Variants in ITPK1 observed in about 807,000 individuals in gnomAD.
ITPK1 encodes inositol 1,3,4-trisphosphate 5/6-kinase.
In ITPK1, 21 loss-of-function variants were observed where a neutral mutation model predicts 45.3. That is an observed-to-expected ratio of 0.46 (90% CI 0.33 to 0.67). The LOEUF (loss-of-function observed/expected upper bound fraction) is 0.67, where lower values mean the gene tolerates loss of function less well. Ranked by LOEUF, ITPK1 falls within the 30% of genes least tolerant of loss-of-function variation. The pLI, the probability that ITPK1 is intolerant of heterozygous loss-of-function variation, is 0.02. For synonymous variants in ITPK1, 258 were observed against 253.6 expected, an observed-to-expected ratio of 1.02 and a Z score of -0.16; for missense variants, 474 against 573.5, an observed-to-expected ratio of 0.83 and a Z score of 1.77.
chr14:93,092,812 G>A (rs938110367), intron 2 of ITPK1, among the ~76,000 whole-genome samples: 3 of 152,090 alleles, frequency 2.0e-5, no homozygotes, highest in East Asian at 3.9e-4. Flanking sequence ...CACTGCATTC[G>A]ACTCAGCCTC....
rs1887319430 is a variant in ITPK1 at position 92,940,674 on chromosome 14, C to T, written c.*887G>A. 3.1e-6 allele frequency: 4 copies of T among 1,274,226 alleles called. No individual in the cohort carries two copies. The highest frequency in any genetic ancestry group is 1.0e-6 in the Non-Finnish European group (1 of 981,756). The allele number at this position is 1,274,226 out of a possible 1,614,324, so 78.9% of individuals were successfully genotyped here. ...GCATCCCAGGGGTTAGGGCACAAAG[C>T]CAGCCCTGTGGTGCTCTCTGATCTC... On this transcript the variant is annotated 3_prime_UTR_variant, in exon 11 of 11. Transcript: ENST00000267615.
intron 3 of ITPK1, among the ~76,000 whole-genome samples, chr14:93,056,819 A>C (rs759525921): frequency 6.6e-6 from 1 of 152,206 alleles, no homozygotes; most frequent in East Asian, 1.9e-4. Context: ...ATTTGTGGGG[A>C]ATTTATGAGA....
At chr14:93,000,062 G>A (rs143039533) in intron 4 of ITPK1, among the ~76,000 whole-genome samples, 10 of 152,318 alleles carry the variant, frequency 6.6e-5, no homozygotes, top group Admixed American at 1.3e-4. Flanking sequence ...CATCCATGTT[G>A]CAGCGTGCGG....
At chr14:93,101,019 T>C (rs561518152) in intron 2 of ITPK1, among the ~76,000 whole-genome samples, 2 of 152,096 alleles carry the variant, frequency 1.3e-5, no homozygotes, top group East Asian at 3.9e-4. Flanking sequence ...GCATCCCAAA[T>C]CCAAAGAATT....
At chr14:93,069,438 G>A (rs1890896499) in intron 3 of ITPK1, 1 of 154,452 alleles carries the variant, frequency 6.5e-6, no homozygotes, top group Non-Finnish European at 1.5e-5. Flanking sequence ...TGCTGTGTGT[G>A]GCCCTGGCCA....
chr14:92,966,982 C>T (rs531550731), intron 5 of ITPK1, among the ~76,000 whole-genome samples: 18 of 152,298 alleles, frequency 1.2e-4, no homozygotes, highest in African/African-American at 4.1e-4. Flanking sequence ...GCTAGAACTA[C>T]AAAACTTTAA....
At chr14:93,030,833 T>G (rs1176653215) in intron 3 of ITPK1, among the ~76,000 whole-genome samples, 1 of 152,176 alleles carries the variant, frequency 6.6e-6, no homozygotes, top group African/African-American at 2.4e-5. Flanking sequence ...CCAGAGCAGG[T>G]AGGTCCCTAG....
chr14:92,974,253 A>C (rs1282631414), intron 5 of ITPK1, among the ~76,000 whole-genome samples: 1 of 152,204 alleles, frequency 6.6e-6, no homozygotes, highest in Admixed American at 6.5e-5. Context: ...AAAGGATGGA[A>C]ACAATTGGAT....
intron 5 of ITPK1, among the ~76,000 whole-genome samples, chr14:92,977,509 T>C (rs1886007949): frequency 6.6e-6 from 1 of 152,240 alleles, no homozygotes; most frequent in Non-Finnish European, 1.5e-5. Context: ...GCTCTCTGTC[T>C]GCACCCAAAT....
intron 2 of ITPK1, among the ~76,000 whole-genome samples, chr14:93,081,483 A>C (rs1891431860): frequency 6.6e-6 from 1 of 152,238 alleles, no homozygotes; most frequent in Non-Finnish European, 1.5e-5. Context: ...GCTTTTCCAA[A>C]AGCTGGATTA....
chr14:93,084,221 C>G (rs1266576099), intron 2 of ITPK1, among the ~76,000 whole-genome samples: 4 of 152,250 alleles, frequency 2.6e-5, no homozygotes, highest in African/African-American at 7.2e-5. Context: ...GGCGACGAAG[C>G]CAGGCTGGGA....
chr14:92,954,281 A>G (rs919995216), intron 8 of ITPK1, among the ~76,000 whole-genome samples: 1 of 152,174 alleles, frequency 6.6e-6, no homozygotes, highest in African/African-American at 2.4e-5. Context: ...GTTCCTCTCT[A>G]TGTGCGGTCT....
intron 3 of ITPK1, among the ~76,000 whole-genome samples, chr14:93,047,275 G>A (rs1419523082): frequency 6.6e-6 from 1 of 152,234 alleles, no homozygotes; most frequent in Non-Finnish European, 1.5e-5. Flanking sequence ...AAGTGATACA[G>A]TCCTGGCCAG....
At chr14:93,105,267 T>C (rs1892475733) in intron 2 of ITPK1, among the ~76,000 whole-genome samples, 1 of 152,206 alleles carries the variant, frequency 6.6e-6, no homozygotes, top group Admixed American at 6.5e-5. Flanking sequence ...GCAAACCTCC[T>C]GGAGGGGACC....
intron 4 of ITPK1, among the ~76,000 whole-genome samples, chr14:93,004,392 T>TC (rs943684816): frequency 2.2e-4 from 33 of 152,098 alleles, no homozygotes; most frequent in African/African-American, 7.7e-4. Context: ...AGAGTTGAGC[T>TC]CCCCCATCAG....
chr14:92,938,332 C>T lies in ITPK1; in HGVS notation c.*3229G>A. ...TAGTGAAGCCATTCAGCAGTTGTGG[C>T]CAGTGGCCAATGTGAGTGCCCAAGA... is the stretch of plus-strand genomic sequence containing the variant. On this transcript the variant is annotated 3_prime_UTR_variant, in exon 11 of 11. Coordinates refer to ENST00000267615, the MANE Select transcript of ITPK1 (RefSeq NM_014216.6). The T allele has an allele frequency of 1.5e-6, 1 of 679,884 alleles. No homozygotes were observed. The highest frequency in any genetic ancestry group is 2.7e-6 in the Non-Finnish European group (1 of 370,012). The allele number at this position is 679,884 out of a possible 1,614,324, so 42.1% of individuals were successfully genotyped here.
At chr14:93,072,497 C>T (rs1324370317) in intron 3 of ITPK1, among the ~76,000 whole-genome samples, 2 of 151,928 alleles carry the variant, frequency 1.3e-5, no homozygotes, top group African/African-American at 2.4e-5. Flanking sequence ...ACAGAAACCA[C>T]TTATTCAAAT....
chr14:93,006,235 G>C (rs117566788), intron 4 of ITPK1, among the ~76,000 whole-genome samples: 2 of 152,332 alleles, frequency 1.3e-5, no homozygotes, highest in East Asian at 3.9e-4. Flanking sequence ...GCCCAACAAG[G>C]GGTAGGGGAA....
chr14:92,962,534 TG>T (rs1885130926), intron 6 of ITPK1, 139 bp from the exon 7 acceptor site: 1 of 758,398 alleles, frequency 1.3e-6, no homozygotes, highest in African/African-American at 1.7e-5. Context: ...GGGTGACGTG[TG>T]GGTAGACACC....
Sources: allele counts gnomAD v4.1 joint callset (sites outside exome capture counted in the v4.1 genomes callset), GRCh38; gene constraint gnomAD v4.1.1; transcripts MANE v1.5; gene names NCBI Gene and HGNC (gene_info 2026-07-23, HGNC 2026-07-21).